DMD: variants seen among roughly 807,000 people sequenced by gnomAD.
DMD encodes the protein dystrophin.
DMD carries 63 observed loss-of-function variants against 330.1 expected under a neutral mutation model. The ratio of observed to expected loss-of-function variants is 0.19; its 90% CI spans 0.16 to 0.24. DMD has a LOEUF of 0.24. DMD is among the 10% of genes least tolerant of loss of function. DMD has a pLI of 1.00. For missense variants in DMD, 3,344 were observed against 2,684.1 expected (o/e 1.25, Z -5.43); for synonymous variants, 1,223 against 959.8 (o/e 1.27, Z -5.07).
At chrX:32,512,484 C>T (rs999409045) in intron 18 of DMD, among the ~76,000 whole-genome samples, 6 of 112,207 alleles carry the variant, frequency 5.3e-5, no homozygotes. Flanking sequence ...TATAGTTAAA[C>T]ATTTATTGGT....
intron 1 of DMD, among the ~76,000 whole-genome samples, chrX:33,249,642 C>G (rs950088009): frequency 8.9e-6 from 1 of 111,744 alleles, no homozygotes; most frequent in African/African-American, 3.3e-5. Context: ...ACACTCCTTA[C>G]TCCTGCAAAA....
chrX:32,828,673 A>ATGTATACATC (rs2078937116), intron 4 of DMD, among the ~76,000 whole-genome samples: 1 of 103,773 alleles, frequency 9.6e-6, no homozygotes, highest in African/African-American at 3.9e-5. Flanking sequence ...ACACACACAT[A>ATGTATACATC]TATACACATA....
intron 47 of DMD, among the ~76,000 whole-genome samples, chrX:31,892,119 T>G (rs2094262180): frequency 8.9e-6 from 1 of 111,872 alleles, no homozygotes; most frequent in South Asian, 3.7e-4. Flanking sequence ...ATTTGAAACT[T>G]GAATATTTCA....
intron 54 of DMD, among the ~76,000 whole-genome samples, chrX:31,632,654 G>A (rs1361210647): frequency 9.0e-6 from 1 of 111,339 alleles, no homozygotes; most frequent in East Asian, 2.8e-4. Context: ...GTGAGATATA[G>A]GTCAGAGAGA....
At chrX:32,455,261 ACT>A (rs1353041464) in intron 25 of DMD, among the ~76,000 whole-genome samples, 1 of 111,514 alleles carries the variant, frequency 9.0e-6, no homozygotes, top group African/African-American at 3.2e-5. Flanking sequence ...ATCTACAGAA[ACT>A]CTCATAAATT....
At chrX:31,864,872 C>T (rs981833879) in intron 48 of DMD, among the ~76,000 whole-genome samples, 7 of 111,871 alleles carry the variant, frequency 6.3e-5, no homozygotes, top group African/African-American at 1.3e-4. Context: ...TCTTTTTCTA[C>T]GCCTTAGGAA....
chrX:33,243,881 G>A (rs755158689), intron 1 of DMD, among the ~76,000 whole-genome samples: 9 of 111,539 alleles, frequency 8.1e-5, no homozygotes, highest in Non-Finnish European at 1.5e-4. Flanking sequence ...TGGGGAATCA[G>A]AAGGGTGGAG....
chrX:32,611,512 A>T (rs1180344406), intron 12 of DMD, among the ~76,000 whole-genome samples: 1 of 111,979 alleles, frequency 8.9e-6, no homozygotes, highest in Non-Finnish European at 1.9e-5. Context: ...ATATTTGTCA[A>T]ACGTTTTCCA....
intron 7 of DMD, among the ~76,000 whole-genome samples, chrX:32,793,553 A>G (rs1212767823): frequency 9.0e-6 from 1 of 111,120 alleles, no homozygotes; most frequent in Non-Finnish European, 1.9e-5. Context: ...GAAAAAAAAA[A>G]GACTCAAAAT....
chrX:32,021,192 G>A (rs763371414), intron 44 of DMD, among the ~76,000 whole-genome samples: 25 of 112,006 alleles, frequency 2.2e-4, no homozygotes, highest in Admixed American at 2.2e-3. Flanking sequence ...TATATACATT[G>A]TGTTATATAC....
At chrX:31,540,224 G>A (rs1459544437) in intron 55 of DMD, among the ~76,000 whole-genome samples, 1 of 111,597 alleles carries the variant, frequency 9.0e-6, no homozygotes, top group Non-Finnish European at 1.9e-5. Flanking sequence ...AAAATGATAC[G>A]GACCTTTAAA....
chrX:33,278,899 T>C, intron 1 of DMD, among the ~76,000 whole-genome samples: 1 of 111,552 alleles, frequency 9.0e-6, no homozygotes. Context: ...CACCCAGCAT[T>C]GGCACACCAA....
intron 56 of DMD, among the ~76,000 whole-genome samples, chrX:31,500,755 G>C (rs2070352125): frequency 8.9e-6 from 1 of 111,784 alleles, no homozygotes; most frequent in African/African-American, 3.3e-5. Flanking sequence ...CAACCTTCTT[G>C]TTTTGCATAT....
At chrX:32,870,094 A>G (rs185629840) in intron 2 of DMD, among the ~76,000 whole-genome samples, 14 of 112,049 alleles carry the variant, frequency 1.2e-4, no homozygotes, top group Admixed American at 1.0e-3. Flanking sequence ...AAATTCAGCA[A>G]AGTCTCAGGA....
chrX:31,177,716 C>T (rs2040668641), intron 71 of DMD, among the ~76,000 whole-genome samples: 1 of 107,443 alleles, frequency 9.3e-6, no homozygotes, highest in Non-Finnish European at 1.9e-5. Flanking sequence ...GTGGAGGAAC[C>T]AAAAAACCCA....
intron 2 of DMD, among the ~76,000 whole-genome samples, chrX:32,970,822 TA>T (rs2092352444): frequency 1.1e-5 from 1 of 94,349 alleles, no homozygotes; most frequent in Non-Finnish European, 2.0e-5. Context: ...TTAATGGAAA[TA>T]TTTTTCATTT....
intron 61 of DMD, among the ~76,000 whole-genome samples, chrX:31,330,406 G>T (rs2057054290): frequency 9.0e-6 from 1 of 111,653 alleles, no homozygotes; most frequent in Admixed American, 9.5e-5. Flanking sequence ...ACAGACTAAG[G>T]GTGTAGAAGA....
rs145515413 is a variant in DMD, at chrX:32,362,848, G to A, written c.5265C>T (p.Pro1755=). The A allele has an allele frequency of 2.0e-4, 245 of 1,208,677 alleles. 1 individual carries two copies. The African/African-American group carries it at 3.7e-3, about 18-fold the overall frequency. The part of the protein sequence containing the change: ...RGDHCRKLVE[P]QISELNHRFA... ...ATCGATGGTTGAGCTCTGAGATTTGGGGCTCTACTAATTTCCTGCAGTGGT... is the reference window on the plus strand; with the variant it reads ...ATCGATGGTTGAGCTCTGAGATTTGAGGCTCTACTAATTTCCTGCAGTGGT... Residue 1755 remains proline (P), a synonymous_variant, in exon 37 of 79, where the codon CCC becomes CCT. Transcript: ENST00000357033.
rs927360176 is a variant in DMD, at chrX:32,946,400, T to C, written c.93+73739A>G. Among the ~76,000 whole-genome samples, 3 of 111,576 alleles carry C rather than the reference T, an allele frequency of 2.7e-5. No homozygotes were observed. In the Admixed American group the frequency reaches 2.9e-4, roughly 11 times the overall value. On this transcript the variant is annotated intron_variant, in intron 2 of 78. Transcript: ENST00000357033. Reference sequence around the variant, plus strand: ...ATACAACAATAACTATTAAGAAAAGTACAGATAACTCATTTTTTCATTAAG... The same window carrying C: ...ATACAACAATAACTATTAAGAAAAGCACAGATAACTCATTTTTTCATTAAG...
Sources: gnomAD v4.1 joint callset for allele counts (sites outside exome capture counted in the v4.1 genomes callset) on GRCh38, gnomAD v4.1.1 for gene constraint, MANE v1.5 for transcripts, NCBI Gene and HGNC (gene_info 2026-07-23, HGNC 2026-07-21) for gene names.